PRKG1: variants seen among roughly 807,000 people sequenced by gnomAD.
PRKG1 encodes the protein cGMP-dependent protein kinase 1.
PRKG1 carries 35 observed loss-of-function variants against 88.1 expected under a neutral mutation model. The ratio of observed to expected loss-of-function variants is 0.40; its 90% CI spans 0.30 to 0.53. The LOEUF (loss-of-function observed/expected upper bound fraction) is 0.53, where lower values mean the gene tolerates loss of function less well. Ranked by LOEUF, PRKG1 falls within the 20% of genes least tolerant of loss-of-function variation. PRKG1 has a pLI of 0.59. For missense variants in PRKG1, 540 were observed against 839.8 expected (o/e 0.64, Z 4.41); for synonymous variants, 303 against 292.5 (o/e 1.04, Z -0.37).
intron 2 of PRKG1, among the ~76,000 whole-genome samples, chr10:51,284,865 C>CTTTTTTTTTTTTTTTTTTTTTTTTTTCT (rs5784867): frequency 3.9e-5 from 2 of 51,698 alleles, no homozygotes; most frequent in African/African-American, 7.2e-5. Context: ...GTTGTGGGTA[C>CTTTTTTTTTTTTTTTTTTTTTTTTTTCT]TTTTTTTTTT....
At chr10:51,303,703 C>A (rs752010782) in intron 2 of PRKG1, among the ~76,000 whole-genome samples, 1 of 151,876 alleles carries the variant, frequency 6.6e-6, no homozygotes, top group Non-Finnish European at 1.5e-5. Context: ...AGTGTTATTG[C>A]ATTTTTCTAA....
At chr10:51,665,833 C>T (rs752820881) in intron 3 of PRKG1, among the ~76,000 whole-genome samples, 23 of 151,684 alleles carry the variant, frequency 1.5e-4, no homozygotes, top group Non-Finnish European at 2.4e-4. Context: ...TCGACCTCAA[C>T]GGATTTTTAT....
At chr10:51,787,170 G>T (rs1838750492) in intron 3 of PRKG1, among the ~76,000 whole-genome samples, 1 of 152,080 alleles carries the variant, frequency 6.6e-6, no homozygotes, top group African/African-American at 2.4e-5. Flanking sequence ...TGATAAAATT[G>T]AATTGTAACC....
intron 1 of PRKG1, among the ~76,000 whole-genome samples, chr10:51,148,714 T>C (rs1226886791): frequency 1.3e-5 from 2 of 152,166 alleles, no homozygotes; most frequent in African/African-American, 4.8e-5. Flanking sequence ...AAATGTAAGC[T>C]TTATGAGACA....
At chr10:51,691,021 T>C (rs1841127865) in intron 3 of PRKG1, among the ~76,000 whole-genome samples, 2 of 150,084 alleles carry the variant, frequency 1.3e-5, no homozygotes, top group African/African-American at 4.9e-5. Flanking sequence ...TATCTACATA[T>C]ATGAATAATA....
intron 2 of PRKG1, among the ~76,000 whole-genome samples, chr10:51,403,030 A>G (rs540249759): frequency 8.4e-4 from 128 of 152,348 alleles, no homozygotes; most frequent in African/African-American, 2.9e-3. Context: ...ATTTTAGAAC[A>G]TTGGAAGAAT....
chr10:51,951,438 T>A (rs1053567423), intron 5 of PRKG1, among the ~76,000 whole-genome samples: 1 of 152,180 alleles, frequency 6.6e-6, no homozygotes, highest in African/African-American at 2.4e-5. Flanking sequence ...AGCTTAATAC[T>A]GTTGCTAATA....
At chr10:51,038,747 G>C (rs941426298) in intron 1 of PRKG1, among the ~76,000 whole-genome samples, 1 of 152,036 alleles carries the variant, frequency 6.6e-6, no homozygotes, top group Non-Finnish European at 1.5e-5. Context: ...GGGCACTTAG[G>C]TTGCTTCCAA....
chr10:51,668,998 A>G (rs1406653468), intron 3 of PRKG1, among the ~76,000 whole-genome samples: 1 of 152,164 alleles, frequency 6.6e-6, no homozygotes, highest in East Asian at 1.9e-4. Context: ...TACCTAATGT[A>G]TATGTATATA....
intron 1 of PRKG1, among the ~76,000 whole-genome samples, chr10:51,022,019 A>G (rs911970575): frequency 1.3e-5 from 2 of 152,204 alleles, no homozygotes; most frequent in African/African-American, 4.8e-5. Flanking sequence ...CTTATTCGAC[A>G]AACTCAAATG....
At chr10:51,774,929 AT>A (rs1411622959) in intron 3 of PRKG1, among the ~76,000 whole-genome samples, 2 of 152,148 alleles carry the variant, frequency 1.3e-5, no homozygotes, top group African/African-American at 4.8e-5. Context: ...GATTTTAGGA[AT>A]ATTGTTAGTA....
chr10:51,712,975 G>GT (rs10593003), intron 3 of PRKG1, among the ~76,000 whole-genome samples: 8,548 of 149,400 alleles, frequency 0.057, 311 homozygotes, highest in African/African-American at 0.089. Context: ...CTCTATGAGG[G>GT]TTTTTTTTTT....
chr10:51,821,461 TA>T (rs1006856179), intron 4 of PRKG1, among the ~76,000 whole-genome samples: 2 of 152,086 alleles, frequency 1.3e-5, no homozygotes, highest in Non-Finnish European at 2.9e-5. Flanking sequence ...TTTATGCTCC[TA>T]AAAAATATAA....
chr10:51,153,881 G>T (rs539383666), intron 2 of PRKG1, among the ~76,000 whole-genome samples: 219 of 152,030 alleles, frequency 1.4e-3, no homozygotes, highest in Admixed American at 3.7e-3. Context: ...TATAGAAAGT[G>T]TTTTGAAAAA....
At position 51,410,270 on chromosome 10, in the gene PRKG1, ATG is replaced by A. The variant is rs71459418; in HGVS notation, c.479-57433_479-57432del. On this transcript the variant is annotated intron_variant, in intron 2 of 17. Coordinates refer to ENST00000373980, the MANE Select transcript of PRKG1 (RefSeq NM_006258.4). ...TGTGTGTGTGTGTGTATATATATAT[ATG>A]TGTGTGTGTGTGTGTGTGTAGTATT... Among the ~76,000 whole-genome samples the A allele has an allele frequency of 1.1e-3, 159 of 146,864 alleles. 1 individual carries two copies. Among genetic ancestry groups the A allele is most frequent in the East Asian group, 2.6e-3 (13 of 5,056 alleles).
intron 17 of PRKG1, among the ~76,000 whole-genome samples, chr10:52,292,958 A>G (rs1210528990): frequency 3.9e-5 from 6 of 152,172 alleles, no homozygotes; most frequent in Admixed American, 3.3e-4. Context: ...TTAGGAAAAG[A>G]GGAAGTCAAA....
chr10:52,248,903 C>CTCTTCTTTTCTTTCCTT (rs113732010), intron 9 of PRKG1, among the ~76,000 whole-genome samples: 1 of 149,400 alleles, frequency 6.7e-6, no homozygotes, highest in Non-Finnish European at 1.5e-5. Context: ...CCTTTCCTTT[C>CTCTTCTTTTCTTTCCTT]TCTTTTCTTT....
At chr10:51,901,188 T>C (rs1350594561) in intron 4 of PRKG1, among the ~76,000 whole-genome samples, 1 of 152,204 alleles carries the variant, frequency 6.6e-6, no homozygotes, top group Non-Finnish European at 1.5e-5. Context: ...CAAGTCCATC[T>C]TTTAAAAAGT....
At chr10:52,067,921 G>GACTTGAAACCATATGGAATACATAT (rs1589575435) in intron 7 of PRKG1, among the ~76,000 whole-genome samples, 3 of 147,358 alleles carry the variant, frequency 2.0e-5, no homozygotes, top group Admixed American at 1.4e-4. Context: ...ATCCCTACTT[G>GACTTGAAACCATATGGAATACATAT]AGGCCGGGCG....
Sources: gnomAD v4.1 joint callset for allele counts (sites outside exome capture counted in the v4.1 genomes callset) on GRCh38, gnomAD v4.1.1 for gene constraint, MANE v1.5 for transcripts, NCBI Gene and HGNC (gene_info 2026-07-23, HGNC 2026-07-21) for gene names.